EIF5B: variants seen among roughly 807,000 people sequenced by gnomAD.
EIF5B encodes eIF-5B.
EIF5B carries 47 observed loss-of-function variants against 147.5 expected under a neutral mutation model. The observed-to-expected ratio is 0.32, with a 90% CI of 0.25 to 0.41. EIF5B has a LOEUF of 0.41. EIF5B is among the 10% of genes least tolerant of loss of function. The pLI is 1.00. For missense variants in EIF5B, 1,064 were observed against 1,413.2 expected (o/e 0.75, Z 3.96); for synonymous variants, 455 against 456.2 (o/e 1.00, Z 0.03).
At chr2:99,375,159 G>T (rs1674536378) in intron 9 of EIF5B, among the ~76,000 whole-genome samples, 2 of 151,970 alleles carry the variant, frequency 1.3e-5, no homozygotes, top group Admixed American at 1.3e-4. Flanking sequence ...TTGATTTTAT[G>T]ACTTTATTAA....
At chr2:99,394,453 T>C in intron 19 of EIF5B, 55 bp downstream of exon 19, 1 of 1,613,392 alleles carries the variant, frequency 6.2e-7, no homozygotes, top group Non-Finnish European at 8.5e-7. Flanking sequence ...TGGTTTTTGG[T>C]GCCATCGCCA....
intron 22 of EIF5B, chr2:99,397,995 T>C (rs1356025313): frequency 6.6e-6 from 1 of 151,962 alleles, no homozygotes; most frequent in African/African-American, 2.4e-5. Flanking sequence ...TCTATTGTGG[T>C]CAGTAGGAGC....
rs987964914 is a variant in EIF5B, at chr2:99,400,134, G to C, written c.*720G>C. 9 of 152,152 alleles carry C rather than the reference G, an allele frequency of 5.9e-5. No homozygotes were observed. The highest frequency in any genetic ancestry group is 8.8e-5 in the Non-Finnish European group (6 of 68,034). The allele number at this position is 152,152 out of a possible 1,614,324, so 9.4% of individuals were successfully genotyped here. On this transcript the variant is annotated 3_prime_UTR_variant, in exon 24 of 24. Coordinates refer to ENST00000289371, the MANE Select transcript of EIF5B (RefSeq NM_015904.4). ...CCCACAAGTTGTCCTCCTAGGACAA[G>C]AATTATCTTACAAACTAAACTATCA...
At chr2:99,360,598 T>C in intron 3 of EIF5B, 49 bp downstream of exon 3, 2 of 1,568,934 alleles carry the variant, frequency 1.3e-6, no homozygotes, top group African/African-American at 2.8e-5. Flanking sequence ...TTCTATTCTT[T>C]CTTCTTAATG....
In EIF5B at chr2:99,379,036, T is replaced by G; in HGVS notation, c.1860T>G (p.His620Gln). ...KRRIEKRRLEHSKNVNTEKLR... is the reference protein window; with the variant it reads ...KRRIEKRRLEQSKNVNTEKLR... ...ATTTCTAGAAACGGCGACTTGAACA[T>G]AGTAAAAATGTAAACACCGAAAAGC... The change falls in exon 11 of 24, where the codon CAT becomes CAG. Residue 620 changes from histidine (H) to glutamine (Q), a missense_variant. His to Gln is a conservative substitution (Grantham distance 24). This residue lies in a region of EIF5B where 195 missense variants were observed against 186.3 expected (regional missense o/e 1.05). Transcript: ENST00000289371. The G allele has an allele frequency of 6.4e-7, 1 of 1,569,860 alleles. No homozygotes were observed. Among genetic ancestry groups the G allele is most frequent in the South Asian group, 1.2e-5 (1 of 80,638 alleles).
chr2:99,399,067 G>C (rs1675136029), intron 23 of EIF5B, 158 bp downstream of exon 23: 12 of 931,802 alleles, frequency 1.3e-5, no homozygotes, highest in Non-Finnish European at 1.9e-5. Flanking sequence ...CTTGTCTGTT[G>C]AGGAAGTTGC....
chr2:99,381,668 A>G (rs1674692198), intron 12 of EIF5B, among the ~76,000 whole-genome samples: 1 of 152,006 alleles, frequency 6.6e-6, no homozygotes, highest in African/African-American at 2.4e-5. Context: ...AGCATTTATG[A>G]CGTTATTTGA....
At chr2:99,387,167 C>T (rs1171197537) in intron 14 of EIF5B, among the ~76,000 whole-genome samples, 1 of 152,178 alleles carries the variant, frequency 6.6e-6, no homozygotes, top group Non-Finnish European at 1.5e-5. Flanking sequence ...CTTGGCCTCC[C>T]AAAGCCCTGG....
intron 1 of EIF5B, among the ~76,000 whole-genome samples, chr2:99,342,767 GAC>G (rs1010310285): frequency 6.6e-6 from 1 of 151,950 alleles, no homozygotes; most frequent in African/African-American, 2.4e-5. Flanking sequence ...CAGTAGCTAG[GAC>G]TGCAGGCATA....
At chr2:99,349,713 A>G (rs145000666) in intron 1 of EIF5B, among the ~76,000 whole-genome samples, 3 of 152,274 alleles carry the variant, frequency 2.0e-5, no homozygotes, top group South Asian at 2.1e-4. Flanking sequence ...ATAGGGTACA[A>G]TGTGATATTT....
intron 10 of EIF5B, among the ~76,000 whole-genome samples, chr2:99,378,008 C>CA (rs1252035517): frequency 6.6e-6 from 1 of 152,166 alleles, no homozygotes; most frequent in Admixed American, 6.5e-5. Flanking sequence ...AGGCAGTTTT[C>CA]AGCCATATCA....
At chr2:99,367,426 A>G (rs1674349936) in intron 6 of EIF5B, among the ~76,000 whole-genome samples, 1 of 87,110 alleles carries the variant, frequency 1.1e-5, no homozygotes, top group East Asian at 4.6e-4. Flanking sequence ...AGAGCAGTTG[A>G]AACTCTTTTT....
At chr2:99,343,166 G>A (rs563435175) in intron 1 of EIF5B, among the ~76,000 whole-genome samples, 1 of 151,850 alleles carries the variant, frequency 6.6e-6, no homozygotes, top group South Asian at 2.1e-4. Flanking sequence ...ATGTTGGCCA[G>A]GCTGGTCTCG....
chr2:99,361,912 C>A, intron 4 of EIF5B, 92 bp downstream of exon 4: 1 of 1,250,806 alleles, frequency 8.0e-7, no homozygotes, highest in Non-Finnish European at 1.1e-6. Context: ...TGTTATTTGT[C>A]CATGGGTATA....
Position 99,365,543 on chromosome 2 carries a change from T to C in EIF5B, c.1288+1122T>C, listed in dbSNP as rs118019097. Among the ~76,000 whole-genome samples, 5 of 152,308 alleles carry C rather than the reference T, an allele frequency of 3.3e-5. No homozygotes were observed. The East Asian group carries it at 7.7e-4, about 23-fold the overall frequency. On this transcript the variant is annotated intron_variant, in intron 6 of 23. Coordinates refer to ENST00000289371, the MANE Select transcript of EIF5B (RefSeq NM_015904.4). ...ATACATCAGATTTCATTGGTGACTA[T>C]TGGAGAGGCTAAAAGCACCCATGAA...
At chr2:99,377,628 C>A (rs984040856) in intron 10 of EIF5B, among the ~76,000 whole-genome samples, 3 of 152,028 alleles carry the variant, frequency 2.0e-5, no homozygotes, top group Non-Finnish European at 4.4e-5. Flanking sequence ...GATTAACAAA[C>A]AAAATAAGTA....
At chr2:99,360,089 A>T in intron 1 of EIF5B, 147 bp from the exon 2 acceptor site, 1 of 896,298 alleles carries the variant, frequency 1.1e-6, no homozygotes, top group Non-Finnish European at 1.6e-6. Context: ...AAGTAGATGT[A>T]ACTTGTGTTG....
chr2:99,372,671 T>C (rs1284887423), intron 9 of EIF5B, among the ~76,000 whole-genome samples: 1 of 152,204 alleles, frequency 6.6e-6, no homozygotes, highest in Non-Finnish European at 1.5e-5. Context: ...AATGGGCATT[T>C]TCTAATTGTC....
At chr2:99,399,037 G>A in intron 23 of EIF5B, 128 bp downstream of exon 23, 1 of 1,131,782 alleles carries the variant, frequency 8.8e-7, no homozygotes, top group South Asian at 1.6e-5. Flanking sequence ...CCCCCATTAG[G>A]GCTTGACCTC....
Sources: gnomAD v4.1 joint callset for allele counts (sites outside exome capture counted in the v4.1 genomes callset) on GRCh38, gnomAD v4.1.1 for gene constraint, gnomAD v4.1.1 regional missense constraint, MANE v1.5 for transcripts, NCBI Gene and HGNC (gene_info 2026-07-23, HGNC 2026-07-21) for gene names.